COBLL1: variants seen among roughly 807,000 people sequenced by gnomAD.
The protein encoded by COBLL1 is cordon-bleu protein-like 1.
Under a neutral mutation model 94.8 loss-of-function variants are expected in COBLL1, and 50 were observed. The ratio of observed to expected loss-of-function variants is 0.53; its 90% CI spans 0.42 to 0.67. COBLL1 has a LOEUF of 0.67. Among genes scored for constraint, COBLL1 ranks in the 30% least tolerant of loss-of-function variants. The probability of loss-of-function intolerance (pLI) is 0.00; values close to 1 mark genes in which losing one functional copy is unlikely to be tolerated. For missense variants in COBLL1, 1,362 were observed against 1,348.7 expected (o/e 1.01, Z -0.15); for synonymous variants, 448 against 473.8 (o/e 0.95, Z 0.71).
Position 164,683,487 on chromosome 2 carries a change from C to A in COBLL1, c.*2459G>T, listed in dbSNP as rs1386770261. 2.6e-5 allele frequency: 4 copies of A among 151,942 alleles called. No individual in the cohort carries two copies. Among genetic ancestry groups the A allele is most frequent in the Non-Finnish European group, 4.4e-5 (3 of 67,992 alleles). The allele number at this position is 151,942 out of a possible 1,614,324, so 9.4% of individuals were successfully genotyped here. ...ACATAGCCCCCTAAATCCTATGTGACCTTTAAAACATTATTTTATTATAAT... is the reference window on the plus strand; with the variant it reads ...ACATAGCCCCCTAAATCCTATGTGAACTTTAAAACATTATTTTATTATAAT... On this transcript the variant is annotated 3_prime_UTR_variant, in exon 14 of 14. Transcript: ENST00000652658.
chr2:164,748,889 C>T (rs1686996597), intron 2 of COBLL1, among the ~76,000 whole-genome samples: 2 of 152,076 alleles, frequency 1.3e-5, no homozygotes, highest in Admixed American at 6.6e-5. Context: ...ATATTATACT[C>T]AATTTTAATA....
In COBLL1 at chr2:164,841,411, C is replaced by T. The variant is rs1168724602; in HGVS notation, c.-50-165G>A. 3.4e-6 allele frequency: 4 copies of T among 1,163,714 alleles called. No individual in the cohort carries two copies. The highest frequency in any genetic ancestry group is 4.2e-6 in the Non-Finnish European group (4 of 945,028). The allele number at this position is 1,163,714 out of a possible 1,614,324, so 72.1% of individuals were successfully genotyped here. On this transcript the variant is annotated intron_variant, in intron 1 of 13. Transcript: ENST00000652658. This position sits in a 1 kb window ranked among gnomAD's most constrained non-coding sequence, Gnocchi z 5.5. Reference sequence around the variant, plus strand: ...GCCCCGGCTCCCAGCCCGCGGGCGCCGCCGCCGTCTCTACAAGGTCTAGCG... The same window carrying T: ...GCCCCGGCTCCCAGCCCGCGGGCGCTGCCGCCGTCTCTACAAGGTCTAGCG...
chr2:164,759,067 TG>T (rs1030336238), intron 2 of COBLL1, among the ~76,000 whole-genome samples: 8 of 152,112 alleles, frequency 5.3e-5, no homozygotes, highest in African/African-American at 1.9e-4. Flanking sequence ...TGGGAATGCA[TG>T]TCAGCCAAGC....
At position 164,684,775 on chromosome 2, in the gene COBLL1, G is replaced by C. The variant is rs1429794343; in HGVS notation, c.*1171C>G. Reference sequence around the variant, plus strand: ...AAAAAGCACCCCAAATATACAACTTGCTTTTATTAAATTGAAAAAAAAATC... The same window carrying C: ...AAAAAGCACCCCAAATATACAACTTCCTTTTATTAAATTGAAAAAAAAATC... On this transcript the variant is annotated 3_prime_UTR_variant, in exon 14 of 14. Coordinates refer to ENST00000652658, the MANE Select transcript of COBLL1 (RefSeq NM_001365672.2). 1.3e-5 allele frequency: 2 copies of C among 151,874 alleles called. No individual in the cohort carries two copies. The highest frequency in any genetic ancestry group is 4.8e-5 in the African/African-American group (2 of 41,354). 9.4% of individuals were successfully genotyped at this position (151,874 alleles called of 1,614,324 possible).
In COBLL1 at chr2:164,704,450, T is replaced by C. The variant is rs755524405; in HGVS notation, c.1219A>G (p.Ser407Gly). Residue 407 changes from serine to glycine, a missense_variant, in exon 9 of 14, where the codon AGC (serine) becomes GGC (glycine). Ser to Gly is a moderately conservative substitution (Grantham distance 56). Transcript: ENST00000652658. ...TAGAATAAGGGTGTCATACCTGGGC[T>C]GGATAGCTCCTCAGGAGAGTTTGCT... ...SEANSPEELS[S>G]PAGISSDYSL... 2.5e-6 allele frequency: 4 copies of C among 1,608,440 alleles called. No homozygotes were observed. The African/African-American group carries it at 4.0e-5, about 16-fold the overall frequency.
At chr2:164,839,987 C>A (rs1683510752) in intron 2 of COBLL1, among the ~76,000 whole-genome samples, 1 of 152,154 alleles carries the variant, frequency 6.6e-6, no homozygotes, top group Non-Finnish European at 1.5e-5. Flanking sequence ...TACTAAATAT[C>A]TTTTAGATTA....
chr2:164,705,803 G>T (rs563415901), intron 7 of COBLL1, among the ~76,000 whole-genome samples: 1 of 152,268 alleles, frequency 6.6e-6, no homozygotes, highest in African/African-American at 2.4e-5. Context: ...GAAGGCCAAG[G>T]TGGGCAGACC....
At chr2:164,822,739 ATTATTATTAT>A (rs1685231435) in intron 2 of COBLL1, among the ~76,000 whole-genome samples, 1 of 39,108 alleles carries the variant, frequency 2.6e-5, no homozygotes, top group African/African-American at 1.8e-4. Context: ...ATATTATATT[ATTATTATTAT>A]TATTATTATT....
In COBLL1 at chr2:164,705,007, A is replaced by G; in HGVS notation, c.1095T>C (p.Pro365=). 1.3e-5 allele frequency: 21 copies of G among 1,605,744 alleles called. No individual in the cohort carries two copies. The highest frequency in any genetic ancestry group is 1.8e-5 in the Non-Finnish European group (21 of 1,176,330). The change falls in exon 8 of 14, where the codon CCT becomes CCC. Residue 365 remains proline, a synonymous_variant. Coordinates refer to ENST00000652658, the MANE Select transcript of COBLL1 (RefSeq NM_001365672.2). The part of the protein sequence containing the change: ...SSLRRTKRKA[P]SPPSKIPPHQ... ...GCGGGGGTATTTTGGAGGGTGGGGAAGGTGCTTTTCGCTTTGTCCTTCTCA... is the reference window on the plus strand; with the variant it reads ...GCGGGGGTATTTTGGAGGGTGGGGAGGGTGCTTTTCGCTTTGTCCTTCTCA...
At chr2:164,806,158 G>GA (rs961585003) in intron 2 of COBLL1, among the ~76,000 whole-genome samples, 67 of 145,294 alleles carry the variant, frequency 4.6e-4, no homozygotes, top group Middle Eastern at 3.5e-3. Context: ...AAAAGGGAAG[G>GA]AAAAAAAAAA....
chr2:164,725,164 G>A (rs867962574), intron 5 of COBLL1, among the ~76,000 whole-genome samples: 21 of 138,752 alleles, frequency 1.5e-4, no homozygotes, highest in African/African-American at 5.4e-4. Flanking sequence ...ACTCCATTAC[G>A]CTCTCAGGAA....
At position 164,685,794 on chromosome 2, in the gene COBLL1, T is replaced by C; in HGVS notation, c.*152A>G. ...CTATAAATTATAAATTCTGGTAACT[T>C]TTCTTCTGGCATTAAAAGCCACAAC... On this transcript the variant is annotated 3_prime_UTR_variant, in exon 14 of 14. Coordinates refer to ENST00000652658, the MANE Select transcript of COBLL1 (RefSeq NM_001365672.2). 1 of 411,808 alleles carries C rather than the reference T, an allele frequency of 2.4e-6. No homozygotes were observed. Among genetic ancestry groups the C allele is most frequent in the Non-Finnish European group, 4.4e-6 (1 of 229,150 alleles). 25.5% of individuals were successfully genotyped at this position (411,808 alleles called of 1,614,324 possible). A position where few individuals can be genotyped will look rare whatever the true frequency, so the allele number is the denominator to read the frequency against.
chr2:164,814,447 G>A (rs1190646115), intron 2 of COBLL1, among the ~76,000 whole-genome samples: 2 of 152,160 alleles, frequency 1.3e-5, no homozygotes, highest in African/African-American at 4.8e-5. Flanking sequence ...GGCATTGGGT[G>A]TGTCTTATCT....
chr2:164,665,699 G>A (rs1180622406), intron 2 of COBLL1: 1 of 152,130 alleles, frequency 6.6e-6, no homozygotes, highest in African/African-American at 2.4e-5. Flanking sequence ...TGTTGTTTGA[G>A]AAATGCAAAA....
intron 2 of COBLL1, among the ~76,000 whole-genome samples, chr2:164,791,231 T>G (rs1409856918): frequency 2.0e-5 from 3 of 152,210 alleles, no homozygotes; most frequent in African/African-American, 7.2e-5. Flanking sequence ...TAGCACCCCT[T>G]GTCTTAGTAG....
At position 164,799,887 on chromosome 2, in the gene COBLL1, T is replaced by C. The variant is rs994131336; in HGVS notation, c.41+41269A>G. On this transcript the variant is annotated intron_variant, in intron 2 of 13. Transcript: ENST00000652658. The stretch of plus-strand genomic sequence containing the variant: ...AAATAATAGTGGAATAATTGGACTG[T>C]ATGCTAAAAATATGAATCCAGAGCT... Among the ~76,000 whole-genome samples the C allele has an allele frequency of 2.6e-5, 4 of 152,190 alleles. No individual in the cohort carries two copies. In the South Asian group the frequency reaches 6.2e-4, roughly 24 times the overall value.
chr2:164,827,168 C>A (rs1018277124), intron 2 of COBLL1, among the ~76,000 whole-genome samples: 2 of 152,024 alleles, frequency 1.3e-5, no homozygotes, highest in Admixed American at 6.6e-5. Context: ...AGGCTGGTCT[C>A]GAACTCCTGA....
At chr2:164,730,657 T>C (rs1057394370) in intron 3 of COBLL1, among the ~76,000 whole-genome samples, 4 of 152,210 alleles carry the variant, frequency 2.6e-5, no homozygotes, top group Non-Finnish European at 5.9e-5. Context: ...CAACTACTTT[T>C]ATGTTTTTAC....
At chr2:164,691,864 G>A (rs1295629625) in intron 13 of COBLL1, among the ~76,000 whole-genome samples, 1 of 152,042 alleles carries the variant, frequency 6.6e-6, no homozygotes, top group Non-Finnish European at 1.5e-5. Context: ...CTACAAACTT[G>A]TAGGTTCCTA....
Sources: gnomAD v4.1 joint callset for allele counts (sites outside exome capture counted in the v4.1 genomes callset) on GRCh38, gnomAD v4.1.1 for gene constraint, Gnocchi (gnomAD v3.1) non-coding constraint, MANE v1.5 for transcripts, NCBI Gene and HGNC (gene_info 2026-07-23, HGNC 2026-07-21) for gene names.